Variants in PIGU observed in about 807,000 individuals in gnomAD.
PIGU encodes GPI-anchor transamidase component PIGU.
A neutral mutation model predicts 49.9 loss-of-function variants in PIGU; 24 were observed. That is an observed-to-expected ratio of 0.48 (90% CI 0.35 to 0.68). The LOEUF (loss-of-function observed/expected upper bound fraction) is 0.68, where lower values mean the gene tolerates loss of function less well. PIGU is among the 30% of genes least tolerant of loss of function. The probability of loss-of-function intolerance (pLI) is 0.01; values close to 1 mark genes in which losing one functional copy is unlikely to be tolerated. For missense variants in PIGU, 490 were observed against 532.6 expected (o/e 0.92, Z 0.79); for synonymous variants, 220 against 205.7 (o/e 1.07, Z -0.59).
chr20:34,669,053 CT>C (rs1395158754), intron 1 of PIGU, among the ~76,000 whole-genome samples: 2 of 151,572 alleles, frequency 1.3e-5, no homozygotes, highest in African/African-American at 4.8e-5. Context: ...CCAGCTAACT[CT>C]TTTTTAATTT....
intron 2 of PIGU, among the ~76,000 whole-genome samples, chr20:34,653,075 C>T (rs1986594576): frequency 6.6e-6 from 1 of 151,698 alleles, no homozygotes; most frequent in Admixed American, 6.6e-5. Flanking sequence ...CAGGTTCAAG[C>T]CATTCTCCTG....
At chr20:34,590,570 G>GCATAA (rs1555796845) in intron 7 of PIGU, among the ~76,000 whole-genome samples, 6 of 118,958 alleles carry the variant, frequency 5.0e-5, no homozygotes, top group African/African-American at 1.7e-4. Context: ...AAATAAAATA[G>GCATAA]CGTAACGTAA....
At chr20:34,606,885 T>C (rs1226618907) in intron 7 of PIGU, among the ~76,000 whole-genome samples, 1 of 152,092 alleles carries the variant, frequency 6.6e-6, no homozygotes. Flanking sequence ...CTCAGCCTCC[T>C]GAGTAGCTGG....
chr20:34,645,211 A>G, intron 3 of PIGU, 64 bp downstream of exon 3: 5 of 1,376,216 alleles, frequency 3.6e-6, no homozygotes, highest in South Asian at 1.5e-5. Flanking sequence ...AAAGAGAGAG[A>G]GAGACAATAA....
intron 11 of PIGU, among the ~76,000 whole-genome samples, chr20:34,571,560 G>GT (rs1290504693): frequency 2.6e-5 from 4 of 152,154 alleles, no homozygotes. Context: ...AATGAGGCAG[G>GT]TGAATACCAG....
chr20:34,574,941 C>T (rs1486530198), intron 11 of PIGU, among the ~76,000 whole-genome samples, 163 bp downstream of exon 11: 2 of 152,168 alleles, frequency 1.3e-5, no homozygotes, highest in Non-Finnish European at 2.9e-5. Flanking sequence ...TTACACTGCT[C>T]TTACTTCCCC....
intron 2 of PIGU, among the ~76,000 whole-genome samples, chr20:34,651,933 C>G (rs926741501): frequency 6.6e-6 from 1 of 151,944 alleles, no homozygotes; most frequent in Non-Finnish European, 1.5e-5. Flanking sequence ...GTGAGACCCC[C>G]CCCATCTCTA....
At chr20:34,630,135 C>T (rs1985650232) in intron 6 of PIGU, among the ~76,000 whole-genome samples, 1 of 152,120 alleles carries the variant, frequency 6.6e-6, no homozygotes, top group African/African-American at 2.4e-5. Context: ...ATACAGACCA[C>T]TGAGAACAAC....
At chr20:34,637,627 G>A (rs1443708242) in intron 5 of PIGU, among the ~76,000 whole-genome samples, 9 of 152,202 alleles carry the variant, frequency 5.9e-5, no homozygotes, top group Admixed American at 5.9e-4. Context: ...TCAGCATGGA[G>A]TCAAAAAGCA....
At position 34,561,583 on chromosome 20, in the gene PIGU, C is replaced by T. The variant is rs184102605; in HGVS notation, c.1195-604G>A. 1.3e-3 allele frequency among the ~76,000 whole-genome samples: 194 copies of T among 152,270 alleles called. 1 individual carries two copies. The highest frequency in any genetic ancestry group is 1.5e-4 in the Non-Finnish European group (10 of 68,010). On this transcript the variant is annotated intron_variant, in intron 11 of 11. Transcript: ENST00000217446. ...CTCCCTGCTCTCAAACCCGTGCCCA[C>T]CCCATTCTCCCTGGCAGCCAGAGGG...
At chr20:34,640,537 C>CA (rs1555801709) in intron 4 of PIGU, among the ~76,000 whole-genome samples, 5,164 of 35,308 alleles carry the variant, frequency 0.15, 167 homozygotes, top group South Asian at 0.22. Context: ...ACACACACAC[C>CA]CCTTAAGAAA....
chr20:34,620,218 C>G (rs1985154145), intron 6 of PIGU, among the ~76,000 whole-genome samples: 1 of 152,228 alleles, frequency 6.6e-6, no homozygotes, highest in Non-Finnish European at 1.5e-5. Flanking sequence ...CTCATTTCTC[C>G]AGTTTCACCT....
At position 34,581,674 on chromosome 20, in the gene PIGU, T is replaced by G; in HGVS notation, c.927-2A>C. The G allele has an allele frequency of 1.9e-6, 3 of 1,604,264 alleles. No homozygotes were observed. Among genetic ancestry groups the G allele is most frequent in the Non-Finnish European group, 2.5e-6 (3 of 1,177,104 alleles). On this transcript the variant is annotated splice_acceptor_variant, in intron 9 of 11. Transcript: ENST00000217446. LOFTEE classifies it high-confidence loss of function. Reference sequence around the variant, plus strand: ...AACATGAAGAAGATGGGGTGCTCCCTGGGGCAGGGCAGGGGAAAGAGAGAG... The same window carrying G: ...AACATGAAGAAGATGGGGTGCTCCCGGGGGCAGGGCAGGGGAAAGAGAGAG...
intron 7 of PIGU, among the ~76,000 whole-genome samples, chr20:34,603,517 T>C (rs1211462803): frequency 6.6e-6 from 1 of 152,220 alleles, no homozygotes; most frequent in African/African-American, 2.4e-5. Flanking sequence ...AGTAACATTA[T>C]GAGTGCCTGG....
chr20:34,595,579 G>A (rs1412175125), intron 7 of PIGU, among the ~76,000 whole-genome samples: 2 of 152,174 alleles, frequency 1.3e-5, no homozygotes, highest in Non-Finnish European at 2.9e-5. Context: ...CAGGAATGAT[G>A]ACAGAGTAAT....
rs559069268 is a variant in PIGU at position 34,664,485 on chromosome 20, G to C, written c.131-7241C>G. ...AGGCCCAGGCGGGTGGATCACCTGA[G>C]GTCAAGCACTCAAGACCAGCCTGGC... On this transcript the variant is annotated intron_variant, in intron 1 of 11. Coordinates refer to ENST00000217446, the MANE Select transcript of PIGU (RefSeq NM_080476.5). 2.8e-3 allele frequency among the ~76,000 whole-genome samples: 421 copies of C among 152,158 alleles called. 1 individual carries two copies. Among genetic ancestry groups the C allele is most frequent in the African/African-American group, 9.6e-3 (400 of 41,506 alleles).
intron 1 of PIGU, among the ~76,000 whole-genome samples, chr20:34,663,036 T>C (rs1349213423): frequency 1.3e-5 from 2 of 152,080 alleles, no homozygotes; most frequent in Non-Finnish European, 2.9e-5. Flanking sequence ...GCCTCCCAAG[T>C]AGCTGAGAAC....
At chr20:34,585,745 G>A (rs1022950434) in intron 8 of PIGU, among the ~76,000 whole-genome samples, 165 bp from the exon 9 acceptor site, 2 of 152,144 alleles carry the variant, frequency 1.3e-5, no homozygotes, top group Non-Finnish European at 2.9e-5. Flanking sequence ...CTGGATACAG[G>A]TAATTAACAA....
At chr20:34,625,788 T>A (rs1985462551) in intron 6 of PIGU, among the ~76,000 whole-genome samples, 1 of 150,748 alleles carries the variant, frequency 6.6e-6, no homozygotes. Flanking sequence ...TGCATGCCTG[T>A]CGTCTCAGCT....
Sources: gnomAD v4.1 joint callset for allele counts (sites outside exome capture counted in the v4.1 genomes callset) on GRCh38, gnomAD v4.1.1 for gene constraint, MANE v1.5 for transcripts, NCBI Gene and HGNC (gene_info 2026-07-23, HGNC 2026-07-21) for gene names.